Variants in GPC6 observed in about 807,000 individuals in gnomAD.
GPC6 encodes glypican 6.
A neutral mutation model predicts 55.2 loss-of-function variants in GPC6; 14 were observed. The ratio of observed to expected loss-of-function variants is 0.25; its 90% CI spans 0.17 to 0.40. The LOEUF (loss-of-function observed/expected upper bound fraction) is 0.40, where lower values mean the gene tolerates loss of function less well. GPC6 is among the 10% of genes least tolerant of loss of function. The pLI is 1.00. For missense variants in GPC6, 641 were observed against 708.5 expected, an observed-to-expected ratio of 0.90 and a Z score of 1.08; for synonymous variants, 278 against 259.6, an observed-to-expected ratio of 1.07 and a Z score of -0.68.
intron 1 of GPC6, among the ~76,000 whole-genome samples, chr13:93,525,060 T>G (rs761911455): frequency 6.6e-6 from 1 of 152,082 alleles, no homozygotes; most frequent in Admixed American, 6.6e-5. Flanking sequence ...TACTAATATT[T>G]GTTTAGGGAT....
intron 2 of GPC6, among the ~76,000 whole-genome samples, chr13:93,752,776 G>T (rs1179953059): frequency 6.6e-6 from 1 of 152,216 alleles, no homozygotes; most frequent in African/African-American, 2.4e-5. Context: ...GGGACAGGCT[G>T]CATGTCTTTT....
intron 2 of GPC6, among the ~76,000 whole-genome samples, chr13:93,773,714 A>C (rs974010691): frequency 2.0e-5 from 3 of 152,148 alleles, no homozygotes; most frequent in Admixed American, 6.6e-5. Context: ...TGATTTTCAT[A>C]GCCATCAAAC....
At chr13:93,238,635 C>T (rs1876322679) in intron 1 of GPC6, among the ~76,000 whole-genome samples, 1 of 152,000 alleles carries the variant, frequency 6.6e-6, no homozygotes, top group Non-Finnish European at 1.5e-5. Context: ...TGAAAGTGGG[C>T]ATCCTTGTCT....
At chr13:93,688,934 A>T (rs985639554) in intron 2 of GPC6, among the ~76,000 whole-genome samples, 5 of 152,008 alleles carry the variant, frequency 3.3e-5, no homozygotes, top group African/African-American at 1.2e-4. Context: ...TGTTAATTAT[A>T]TTTTAGCACA....
intron 4 of GPC6, among the ~76,000 whole-genome samples, chr13:94,207,542 C>CT (rs1393421820): frequency 6.6e-6 from 1 of 152,166 alleles, no homozygotes; most frequent in African/African-American, 2.4e-5. Flanking sequence ...TGACAAGTGG[C>CT]ATTTGGCTTG....
At position 94,339,088 on chromosome 13, in the gene GPC6, G is replaced by A. The variant is rs1468143506; in HGVS notation, c.1152+32965G>A. 4.0e-5 allele frequency among the ~76,000 whole-genome samples: 6 copies of A among 151,704 alleles called. No individual in the cohort carries two copies. The South Asian group carries it at 6.3e-4, about 16-fold the overall frequency. On this transcript the variant is annotated intron_variant, in intron 6 of 8. Coordinates refer to ENST00000377047, the MANE Select transcript of GPC6 (RefSeq NM_005708.5). ...TTTTCCTTTTTTTTTTTTAAGAGAC[G>A]GGGTCTTGCTCTGTCATCCAGGCTA...
At chr13:94,293,061 G>T (rs1050738969) in intron 5 of GPC6, among the ~76,000 whole-genome samples, 1 of 152,068 alleles carries the variant, frequency 6.6e-6, no homozygotes, top group Non-Finnish European at 1.5e-5. Context: ...TTAAAGACCA[G>T]GGGCAAGAGC....
rs558095489 is a variant in GPC6, at chr13:93,378,717, C to T, written c.160+151101C>T. Reference sequence around the variant, plus strand: ...TTTTTAAAAATCAGTGTAAAGAAGCCGGGCGCGGTGGCTCACGCTTGTAAT... The same window carrying T: ...TTTTTAAAAATCAGTGTAAAGAAGCTGGGCGCGGTGGCTCACGCTTGTAAT... On this transcript the variant is annotated intron_variant, in intron 1 of 8. Transcript: ENST00000377047. Among the ~76,000 whole-genome samples, 7 of 152,092 alleles carry T rather than the reference C, an allele frequency of 4.6e-5. 1 individual carries two copies. The East Asian group carries it at 7.7e-4, about 17-fold the overall frequency.
At chr13:93,423,317 C>T (rs148069410) in intron 1 of GPC6, among the ~76,000 whole-genome samples, 127 of 152,154 alleles carry the variant, frequency 8.3e-4, no homozygotes, top group Middle Eastern at 3.4e-3. Context: ...CTAAGCAGGA[C>T]AGAAAGTTGA....
chr13:94,382,556 G>T lies in GPC6; in HGVS notation c.1289+6G>T, dbSNP rs919521009. 6.2e-7 allele frequency: 1 copy of T among 1,614,070 alleles called. No individual in the cohort carries two copies. Among genetic ancestry groups the T allele is most frequent in the Non-Finnish European group, 8.5e-7 (1 of 1,180,022 alleles). On this transcript the variant is annotated splice_donor_region_variant and intron_variant, in intron 7 of 8. Coordinates refer to ENST00000377047, the MANE Select transcript of GPC6 (RefSeq NM_005708.5). Reference sequence around the variant, plus strand: ...AACGGGCACAGCAAAGCCAGGTGAGGGTGACTCGATGTGTGCATGGATGGG... The same window carrying T: ...AACGGGCACAGCAAAGCCAGGTGAGTGTGACTCGATGTGTGCATGGATGGG...
intron 4 of GPC6, among the ~76,000 whole-genome samples, chr13:94,079,876 C>G (rs1308244968): frequency 1.3e-5 from 2 of 152,150 alleles, no homozygotes; most frequent in Non-Finnish European, 2.9e-5. Flanking sequence ...ATCACATTGC[C>G]TGACACATAA....
chr13:94,201,317 G>A (rs541742951), intron 4 of GPC6, among the ~76,000 whole-genome samples: 10 of 152,108 alleles, frequency 6.6e-5, no homozygotes, highest in Non-Finnish European at 1.3e-4. Context: ...TTGGCGCTGC[G>A]GGAGGAGACA....
At chr13:93,333,261 A>G (rs1879917487) in intron 1 of GPC6, among the ~76,000 whole-genome samples, 1 of 152,144 alleles carries the variant, frequency 6.6e-6, no homozygotes, top group African/African-American at 2.4e-5. Flanking sequence ...TAGGGATTGC[A>G]TTGAATCTGT....
chr13:94,384,984 T>C (rs2139210683), intron 7 of GPC6, among the ~76,000 whole-genome samples: 1 of 152,238 alleles, frequency 6.6e-6, no homozygotes, highest in East Asian at 1.9e-4. Flanking sequence ...GATTAAGTGC[T>C]GTAAGATGGC....
chr13:93,543,908 A>G (rs1594252118), intron 1 of GPC6, among the ~76,000 whole-genome samples: 3 of 152,106 alleles, frequency 2.0e-5, no homozygotes, highest in Admixed American at 2.0e-4. Flanking sequence ...AGACACTATC[A>G]TAGTTTACGT....
chr13:93,509,582 A>C (rs1489055566), intron 1 of GPC6, among the ~76,000 whole-genome samples: 1 of 152,184 alleles, frequency 6.6e-6, no homozygotes, highest in African/African-American at 2.4e-5. Flanking sequence ...GCTTATTCAT[A>C]ATGATGATTA....
intron 3 of GPC6, among the ~76,000 whole-genome samples, chr13:93,967,119 C>T (rs548826027): frequency 2.8e-4 from 43 of 152,286 alleles, no homozygotes; most frequent in Admixed American, 1.1e-3. Flanking sequence ...AGTATTCACA[C>T]ATGTGGTGGT....
intron 2 of GPC6, among the ~76,000 whole-genome samples, chr13:93,812,530 G>T (rs1185439324): frequency 6.6e-6 from 1 of 152,178 alleles, no homozygotes; most frequent in African/African-American, 2.4e-5. Flanking sequence ...TTCTAATCAA[G>T]GATATCACAT....
intron 2 of GPC6, among the ~76,000 whole-genome samples, chr13:93,635,193 A>C (rs1367612082): frequency 1.3e-5 from 2 of 151,718 alleles, no homozygotes. Context: ...CCAAACTTTC[A>C]TACAAAACTG....
Sources: allele counts gnomAD v4.1 joint callset (sites outside exome capture counted in the v4.1 genomes callset), GRCh38; gene constraint gnomAD v4.1.1; transcripts MANE v1.5; gene names NCBI Gene and HGNC (gene_info 2026-07-23, HGNC 2026-07-21).